The following NAALADL2 variants were observed in gnomAD, a reference collection of about 807,000 sequenced individuals.
The protein encoded by NAALADL2 is N-acetylated alpha-linked acidic dipeptidase like 2, also known as inactive N-acetylated-alpha-linked acidic dipeptidase-like protein 2.
A neutral mutation model predicts 87.2 loss-of-function variants in NAALADL2; 76 were observed. The observed-to-expected ratio is 0.87, with a 90% CI of 0.72 to 1.05. The LOEUF (loss-of-function observed/expected upper bound fraction) is 1.05. Ranked by LOEUF, NAALADL2 falls within the 50% of genes least tolerant of loss-of-function variation. The probability of loss-of-function intolerance (pLI) is 0.00; values close to 1 mark genes in which losing one functional copy is unlikely to be tolerated. For synonymous variants in NAALADL2, 354 were observed against 331.0 expected, an observed-to-expected ratio of 1.07 and a Z score of -0.75; for missense variants, 1,089 against 945.8, an observed-to-expected ratio of 1.15 and a Z score of -1.99.
chr3:174,771,819 GT>G (rs780422033), intron 3 of NAALADL2, among the ~76,000 whole-genome samples: 56 of 152,258 alleles, frequency 3.7e-4, no homozygotes, highest in Middle Eastern at 3.4e-3. Flanking sequence ...GGAGACTTAA[GT>G]GGAAAATTTC....
At chr3:174,473,479 G>A (rs1489885806) in intron 1 of NAALADL2, among the ~76,000 whole-genome samples, 2 of 152,086 alleles carry the variant, frequency 1.3e-5, no homozygotes, top group Non-Finnish European at 2.9e-5. Flanking sequence ...ATTTTTCTAT[G>A]TTAATGGAAT....
intron 11 of NAALADL2, among the ~76,000 whole-genome samples, chr3:175,697,252 G>A (rs906436320): frequency 3.3e-5 from 5 of 152,150 alleles, no homozygotes; most frequent in Admixed American, 2.0e-4. Context: ...AGGAGCAGTA[G>A]AATACTAATA....
intron 4 of NAALADL2, among the ~76,000 whole-genome samples, chr3:175,306,582 C>A (rs896618148): frequency 6.6e-6 from 1 of 152,138 alleles, no homozygotes; most frequent in Admixed American, 6.5e-5. Flanking sequence ...GAGGCTGAGG[C>A]GGGCAGATCA....
At chr3:175,543,274 G>A (rs1444613753) in intron 9 of NAALADL2, among the ~76,000 whole-genome samples, 1 of 152,082 alleles carries the variant, frequency 6.6e-6, no homozygotes, top group Non-Finnish European at 1.5e-5. Context: ...CCACAAGAAT[G>A]TCTTGTAGGT....
chr3:174,832,586 CG>C (rs1553868492), intron 3 of NAALADL2, among the ~76,000 whole-genome samples: 1 of 152,024 alleles, frequency 6.6e-6, no homozygotes, highest in Non-Finnish European at 1.5e-5. Flanking sequence ...CTCAGCCTCC[CG>C]AGTAGCTGAG....
intron 1 of NAALADL2, among the ~76,000 whole-genome samples, chr3:175,000,497 G>A (rs747750726): frequency 1.3e-5 from 2 of 152,086 alleles, no homozygotes; most frequent in African/African-American, 2.4e-5. Flanking sequence ...GAATTAACGT[G>A]GTGAAGCCAT....
chr3:175,156,171 G>C (rs1005591247), intron 2 of NAALADL2, among the ~76,000 whole-genome samples: 6 of 152,144 alleles, frequency 3.9e-5, no homozygotes, highest in African/African-American at 1.4e-4. Flanking sequence ...AAATGGTTGT[G>C]AGGGAGGAAC....
chr3:175,127,799 G>A (rs1727194744), intron 2 of NAALADL2, among the ~76,000 whole-genome samples: 1 of 152,040 alleles, frequency 6.6e-6, no homozygotes, highest in South Asian at 2.1e-4. Context: ...CAAGAGCATG[G>A]CTTGAGCTCA....
intron 2 of NAALADL2, among the ~76,000 whole-genome samples, chr3:174,674,045 C>T (rs1726816437): frequency 6.6e-6 from 1 of 151,996 alleles, no homozygotes; most frequent in African/African-American, 2.4e-5. Flanking sequence ...ACTTACAGCT[C>T]TGCAGGCTGT....
chr3:175,702,120 A>G (rs1288164221), intron 11 of NAALADL2, among the ~76,000 whole-genome samples: 5 of 152,178 alleles, frequency 3.3e-5, no homozygotes, highest in African/African-American at 1.2e-4. Flanking sequence ...CTAACATTTA[A>G]CAAGATAACA....
At chr3:175,224,892 AGCC>A (rs1184161246) in intron 2 of NAALADL2, among the ~76,000 whole-genome samples, 1 of 152,200 alleles carries the variant, frequency 6.6e-6, no homozygotes, top group Admixed American at 6.6e-5. Context: ...TCCAAAGGCC[AGCC>A]ATCTCTACAG....
chr3:175,246,076 A>C lies in NAALADL2; in HGVS notation c.820-10335A>C, dbSNP rs144474008. Among the ~76,000 whole-genome samples the C allele has an allele frequency of 2.0e-3, 299 of 152,292 alleles. 1 individual carries two copies. The highest frequency in any genetic ancestry group is 6.9e-3 in the African/African-American group (285 of 41,566). Reference sequence around the variant, plus strand: ...ATGGAAAGCCACTGAGTGAACCTAAAACAGAAGCACCAATATAATTCTAAC... The same window carrying C: ...ATGGAAAGCCACTGAGTGAACCTAACACAGAAGCACCAATATAATTCTAAC... On this transcript the variant is annotated intron_variant, in intron 3 of 13. Coordinates refer to ENST00000454872, the MANE Select transcript of NAALADL2 (RefSeq NM_207015.3).
chr3:175,072,707 A>AGGG, intron 1 of NAALADL2, among the ~76,000 whole-genome samples: 1 of 98,814 alleles, frequency 1.0e-5, no homozygotes, highest in Non-Finnish European at 2.0e-5. Flanking sequence ...GGGAGGGGGG[A>AGGG]GGGATAGCAT....
intron 13 of NAALADL2, among the ~76,000 whole-genome samples, chr3:175,774,346 T>C (rs1417715805): frequency 2.6e-5 from 4 of 152,070 alleles, no homozygotes; most frequent in Non-Finnish European, 4.4e-5. Context: ...GTTTGACTTA[T>C]ATGAATGTTA....
chr3:174,824,999 T>A (rs566958307), intron 3 of NAALADL2, among the ~76,000 whole-genome samples: 1 of 152,350 alleles, frequency 6.6e-6, no homozygotes, highest in Non-Finnish European at 1.5e-5. Context: ...TTTACAGCTT[T>A]GATTTAGACA....
At chr3:175,064,600 G>T (rs1714201108) in intron 1 of NAALADL2, among the ~76,000 whole-genome samples, 1 of 152,172 alleles carries the variant, frequency 6.6e-6, no homozygotes, top group African/African-American at 2.4e-5. Flanking sequence ...GACTTATCAG[G>T]GAGGAAGCTT....
intron 1 of NAALADL2, among the ~76,000 whole-genome samples, chr3:174,959,010 C>G (rs1741580700): frequency 6.6e-6 from 1 of 152,032 alleles, no homozygotes; most frequent in Non-Finnish European, 1.5e-5. Context: ...CAACAGTTTT[C>G]TATTGGTGTT....
intron 13 of NAALADL2, among the ~76,000 whole-genome samples, chr3:175,788,235 G>A (rs1175463111): frequency 1.3e-5 from 2 of 151,800 alleles, no homozygotes; most frequent in Non-Finnish European, 2.9e-5. Flanking sequence ...TGGGACTACA[G>A]GTGTGTGCCA....
At chr3:174,962,338 G>A (rs1742129021) in intron 1 of NAALADL2, among the ~76,000 whole-genome samples, 1 of 78,648 alleles carries the variant, frequency 1.3e-5, no homozygotes, top group African/African-American at 4.7e-5. Context: ...AAGTATTGTT[G>A]TTTAATGGCA....
Sources: allele counts gnomAD v4.1 joint callset (sites outside exome capture counted in the v4.1 genomes callset), GRCh38; gene constraint gnomAD v4.1.1; transcripts MANE v1.5; gene names NCBI Gene and HGNC (gene_info 2026-07-23, HGNC 2026-07-21).